The following DNAH14 variants were observed in gnomAD, a reference collection of about 807,000 sequenced individuals.
DNAH14 encodes axonemal beta dynein heavy chain 14.
A neutral mutation model predicts 520.9 loss-of-function variants in DNAH14; 478 were observed. That is an observed-to-expected ratio of 0.92 (90% CI 0.85 to 0.99). The LOEUF is 0.99. Among genes scored for constraint, DNAH14 ranks in the 50% least tolerant of loss-of-function variants. The pLI, the probability that DNAH14 is intolerant of heterozygous loss-of-function variation, is 0.00. For missense variants in DNAH14, 4,831 were observed against 5,234.5 expected (o/e 0.92, Z 2.38); for synonymous variants, 1,581 against 1,757.2 (o/e 0.90, Z 2.51).
intron 36 of DNAH14, among the ~76,000 whole-genome samples, chr1:225,168,964 C>T (rs767996305): frequency 7.2e-5 from 11 of 152,156 alleles, no homozygotes; most frequent in Admixed American, 3.9e-4. Flanking sequence ...TCCAGAGGAA[C>T]GATCTGGCAG....
At chr1:225,086,719 A>G (rs2073849363) in intron 21 of DNAH14, among the ~76,000 whole-genome samples, 1 of 152,140 alleles carries the variant, frequency 6.6e-6, no homozygotes, top group African/African-American at 2.4e-5. Context: ...GCAGTACAAA[A>G]AAAATGAACA....
chr1:225,399,061 C>A lies in DNAH14; in HGVS notation c.13646C>A (p.Thr4549Asn). Residue 4549 changes from threonine to asparagine, a missense_variant, in exon 86 of 86, where the codon ACC (threonine) becomes AAC (asparagine). Thr to Asn is a moderately conservative substitution (Grantham distance 65). Transcript: ENST00000682510. ...DIYFLPTKIS[T>N]KTPNASNQTD... ...TTTTTTTTTTTTTTAAAGATTTCTA[C>A]CAAAACACCAAATGCTTCCAACCAG... 1 of 1,539,678 alleles carries A rather than the reference C, an allele frequency of 6.5e-7. No individual in the cohort carries two copies. Among genetic ancestry groups the A allele is most frequent in the Non-Finnish European group, 8.8e-7 (1 of 1,142,644 alleles).
chr1:225,184,661 T>C (rs1277639753), intron 36 of DNAH14, among the ~76,000 whole-genome samples: 2 of 151,706 alleles, frequency 1.3e-5, no homozygotes, highest in Non-Finnish European at 1.5e-5. Flanking sequence ...ATTGTCTCAG[T>C]AGATGCAGAA....
chr1:225,273,632 T>C (rs1261318568), intron 52 of DNAH14, among the ~76,000 whole-genome samples: 1 of 152,174 alleles, frequency 6.6e-6, no homozygotes, highest in Non-Finnish European at 1.5e-5. Context: ...GCCCATGCTT[T>C]TGGCCCCTTA....
At chr1:225,228,162 C>A (rs1272071096) in intron 41 of DNAH14, among the ~76,000 whole-genome samples, 1 of 152,174 alleles carries the variant, frequency 6.6e-6, no homozygotes, top group Non-Finnish European at 1.5e-5. Context: ...CAGCCATAGT[C>A]ATCTTGGCAA....
At position 225,206,006 on chromosome 1, in the gene DNAH14, G is replaced by T. The variant is rs1451784087; in HGVS notation, c.6013G>T (p.Val2005Leu). The T allele has an allele frequency of 1.9e-6, 3 of 1,551,522 alleles. No homozygotes were observed. Among genetic ancestry groups the T allele is most frequent in the Non-Finnish European group, 8.7e-7 (1 of 1,146,866 alleles). The change falls in exon 40 of 86, where the codon GTG becomes TTG. Residue 2005 changes from valine (V) to leucine (L), a missense_variant. Transcript: ENST00000682510. Reference protein sequence around the residue: ...DWQWIILDGPVDTFWVENLNS... With the variant: ...DWQWIILDGPLDTFWVENLNS... ...GCAGTGGATTATCCTAGATGGCCCA[G>T]TGGACACCTTTTGGGTAGAAAATCT...
At chr1:224,983,205 T>C (rs969183428) in intron 8 of DNAH14, among the ~76,000 whole-genome samples, 1 of 142,874 alleles carries the variant, frequency 7.0e-6, no homozygotes, top group Admixed American at 7.0e-5. Context: ...CATTATATAA[T>C]GTCTCTGTCT....
intron 17 of DNAH14, among the ~76,000 whole-genome samples, chr1:225,063,820 G>A (rs1224076015): frequency 6.6e-6 from 1 of 150,530 alleles, no homozygotes; most frequent in African/African-American, 2.4e-5. Context: ...AACGAAAAAA[G>A]AAAACAATGC....
At chr1:224,960,067 T>C (rs1440724562) in intron 3 of DNAH14, 86 bp from the exon 4 acceptor site, 33 of 1,311,878 alleles carry the variant, frequency 2.5e-5, no homozygotes, top group Non-Finnish European at 3.2e-5. Context: ...ATATAATCAT[T>C]AACTGTATTG....
chr1:225,068,046 G>A (rs1275105096), intron 17 of DNAH14, among the ~76,000 whole-genome samples: 6 of 152,062 alleles, frequency 3.9e-5, no homozygotes, highest in African/African-American at 1.4e-4. Context: ...GAATGGTATT[G>A]CCTAGGTCAT....
At chr1:225,328,917 C>A (rs7535839) in intron 64 of DNAH14, among the ~76,000 whole-genome samples, 17,349 of 151,924 alleles carry the variant, frequency 0.11, 1,194 homozygotes, top group East Asian at 0.26. Context: ...GGAATAAATT[C>A]TAAATCATTA....
At chr1:225,118,775 TG>T (rs1404111545) in intron 25 of DNAH14, among the ~76,000 whole-genome samples, 24 of 149,998 alleles carry the variant, frequency 1.6e-4, no homozygotes, top group Admixed American at 6.7e-5. Context: ...CCCAGCTACT[TG>T]GGGGGCTGGG....
chr1:224,982,767 A>G (rs919606637), intron 8 of DNAH14, among the ~76,000 whole-genome samples: 3 of 152,098 alleles, frequency 2.0e-5, no homozygotes, highest in South Asian at 2.1e-4. Flanking sequence ...ATGTATTTGC[A>G]TGATTTTGGA....
At chr1:225,045,663 GA>G (rs954693551) in intron 15 of DNAH14, among the ~76,000 whole-genome samples, 10 of 152,058 alleles carry the variant, frequency 6.6e-5, no homozygotes, top group African/African-American at 2.4e-4. Flanking sequence ...TATACATCTT[GA>G]GGGAGAATAC....
At chr1:225,120,328 G>T (rs1351721583) in intron 26 of DNAH14, among the ~76,000 whole-genome samples, 1 of 152,190 alleles carries the variant, frequency 6.6e-6, no homozygotes, top group Non-Finnish European at 1.5e-5. Context: ...TGCAGGGCCA[G>T]CAAAATATCT....
At position 225,239,908 on chromosome 1, in the gene DNAH14, A is replaced by G. The variant is rs142364624; in HGVS notation, c.6519-685A>G. On this transcript the variant is annotated intron_variant, in intron 42 of 85. Transcript: ENST00000682510. ...TTATGGTAATACTAAATTCTGAACT[A>G]TATGAAATGTCTTTAAATCAGGCTC... Among the ~76,000 whole-genome samples the G allele has an allele frequency of 5.9e-5, 9 of 152,378 alleles. No individual in the cohort carries two copies. The East Asian group carries it at 1.2e-3, about 20-fold the overall frequency.
chr1:225,285,854 C>A (rs2093728337), intron 54 of DNAH14, among the ~76,000 whole-genome samples: 2 of 152,142 alleles, frequency 1.3e-5, no homozygotes, highest in Admixed American at 1.3e-4. Context: ...GAGACCCTGT[C>A]TCAAAAAAAT....
At chr1:224,939,173 C>G (rs1188030716) in intron 1 of DNAH14, among the ~76,000 whole-genome samples, 1 of 152,164 alleles carries the variant, frequency 6.6e-6, no homozygotes, top group African/African-American at 2.4e-5. Context: ...CAATACTTGA[C>G]TGACAGTTAT....
In DNAH14 at chr1:225,351,901, G is replaced by A. The variant is rs2095370156; in HGVS notation, c.11533+18G>A. The A allele has an allele frequency of 6.5e-7, 1 of 1,538,648 alleles. No homozygotes were observed. The highest frequency in any genetic ancestry group is 8.8e-7 in the Non-Finnish European group (1 of 1,136,646). ...AGAGGAAAGTAAGAAAGCATTCAGT[G>A]TTTTAACCTAACTTAAGTATGTGTG... is the stretch of plus-strand genomic sequence containing the variant. On this transcript the variant is annotated intron_variant, in intron 72 of 85. Transcript: ENST00000682510.
Sources: gnomAD v4.1 joint callset for allele counts (sites outside exome capture counted in the v4.1 genomes callset) on GRCh38, gnomAD v4.1.1 for gene constraint, MANE v1.5 for transcripts, NCBI Gene and HGNC (gene_info 2026-07-23, HGNC 2026-07-21) for gene names.